The following RELCH variants were observed in gnomAD, a reference collection of about 807,000 sequenced individuals.
RELCH encodes RAB11 binding and LisH domain, coiled-coil and HEAT repeat containing.
RELCH carries 41 observed loss-of-function variants against 150.3 expected under a neutral mutation model. The ratio of observed to expected loss-of-function variants is 0.27; its 90% CI spans 0.21 to 0.35. RELCH has a LOEUF of 0.35. Ranked by LOEUF, RELCH falls within the 10% of genes least tolerant of loss-of-function variation. The pLI is 1.00. For missense variants in RELCH, 1,092 were observed against 1,467.8 expected (o/e 0.74, Z 4.18); for synonymous variants, 478 against 531.8 (o/e 0.90, Z 1.39).
chr18:62,209,048 A>C (rs76000066), intron 1 of RELCH, among the ~76,000 whole-genome samples: 9,151 of 152,138 alleles, frequency 0.06, 912 homozygotes, highest in African/African-American at 0.21. Context: ...ACCCAGGATA[A>C]TGTCTCTTTT....
chr18:62,213,012 CAA>C (rs1330093985), intron 2 of RELCH, among the ~76,000 whole-genome samples: 1 of 152,096 alleles, frequency 6.6e-6, no homozygotes, highest in Admixed American at 6.5e-5. Context: ...CTCTCCATGT[CAA>C]ATCATGGTTG....
At chr18:62,237,303 T>C (rs2041924901) in intron 10 of RELCH, among the ~76,000 whole-genome samples, 1 of 151,830 alleles carries the variant, frequency 6.6e-6, no homozygotes, top group African/African-American at 2.4e-5. Context: ...TTAGATTTAG[T>C]TGTTTTATAA....
intron 21 of RELCH, among the ~76,000 whole-genome samples, chr18:62,274,571 A>G (rs577227956): frequency 1.3e-5 from 2 of 152,350 alleles, no homozygotes; most frequent in South Asian, 4.1e-4. Flanking sequence ...TAGGCTTCAC[A>G]GCCAACATAC....
rs143475908 is a variant in RELCH at position 62,195,072 on chromosome 18, A to G, written c.526+7041A>G. Among the ~76,000 whole-genome samples the G allele has an allele frequency of 5.9e-5, 9 of 152,340 alleles. 1 individual carries two copies. The East Asian group carries it at 1.7e-3, about 29-fold the overall frequency. Reference sequence around the variant, plus strand: ...ATAATCCATATTTACAAAACATTCAAATATGAACAGGATATATAGCTTTAT... The same window carrying G: ...ATAATCCATATTTACAAAACATTCAGATATGAACAGGATATATAGCTTTAT... On this transcript the variant is annotated intron_variant, in intron 1 of 28. Coordinates refer to ENST00000644646, the MANE Select transcript of RELCH (RefSeq NM_001346231.2).
rs1395882884 is a variant in RELCH, at chr18:62,227,355, C to G, written c.925C>G (p.Arg309Gly). 1 of 1,612,060 alleles carries G rather than the reference C, an allele frequency of 6.2e-7. No homozygotes were observed. Among genetic ancestry groups the G allele is most frequent in the Admixed American group, 1.7e-5 (1 of 59,842 alleles). The change falls in exon 6 of 29, where the codon CGG becomes GGG. Residue 309 changes from arginine (R) to glycine (G), a missense_variant. Arg to Gly is a moderately radical substitution (Grantham distance 125, BLOSUM62 -2). Coordinates refer to ENST00000644646, the MANE Select transcript of RELCH (RefSeq NM_001346231.2). Reference protein sequence around the residue: ...PKPPDLLQLYRDFGNHQVTGK... With the variant: ...PKPPDLLQLYGDFGNHQVTGK... ...ACCTCCAGACTTATTGCAACTCTAC[C>G]GGGATTTTGGAAATCATCAAGTAAC... is the stretch of plus-strand genomic sequence containing the variant.
chr18:62,270,710 C>T (rs964027738), intron 20 of RELCH, among the ~76,000 whole-genome samples: 2 of 151,984 alleles, frequency 1.3e-5, no homozygotes, highest in Middle Eastern at 3.4e-3. Context: ...TTCGTTACAT[C>T]GGTATACATG....
At chr18:62,213,090 T>C (rs2040266510) in intron 2 of RELCH, among the ~76,000 whole-genome samples, 1 of 152,100 alleles carries the variant, frequency 6.6e-6, no homozygotes, top group Admixed American at 6.5e-5. Flanking sequence ...TATCTAAAAA[T>C]TTACAATTCA....
At chr18:62,285,866 G>A (rs1392185599) in intron 25 of RELCH, 1 of 152,198 alleles carries the variant, frequency 6.6e-6, no homozygotes, top group African/African-American at 2.4e-5. Flanking sequence ...CATCTGAGGG[G>A]TTAACTGTTA....
At chr18:62,257,133 A>G (rs2043027946) in intron 13 of RELCH, among the ~76,000 whole-genome samples, 1 of 152,020 alleles carries the variant, frequency 6.6e-6, no homozygotes, top group Admixed American at 6.6e-5. Flanking sequence ...GACCTAAACA[A>G]GTTTATGTTT....
At chr18:62,196,895 T>C (rs2039086244) in intron 1 of RELCH, among the ~76,000 whole-genome samples, 2 of 152,332 alleles carry the variant, frequency 1.3e-5, no homozygotes, top group Admixed American at 6.5e-5. Flanking sequence ...AAAGATAATG[T>C]TTACAGAATA....
At chr18:62,267,484 A>ATGTGTGTGTG (rs36203741) in intron 19 of RELCH, among the ~76,000 whole-genome samples, 31 of 135,806 alleles carry the variant, frequency 2.3e-4, no homozygotes, top group African/African-American at 8.3e-4. Context: ...CTAGGTATAT[A>ATGTGTGTGTG]TGTGTGTGTG....
intron 2 of RELCH, among the ~76,000 whole-genome samples, chr18:62,217,189 G>T (rs2040531669): frequency 2.0e-5 from 3 of 151,848 alleles, no homozygotes; most frequent in African/African-American, 7.3e-5. Flanking sequence ...GATTAACATT[G>T]CTAAAAGTGT....
At chr18:62,252,785 T>A (rs781430051) in intron 12 of RELCH, 31 bp downstream of exon 12, 1 of 1,461,652 alleles carries the variant, frequency 6.8e-7, no homozygotes, top group Admixed American at 1.7e-5. Context: ...TTCACCTAGC[T>A]ATTATAGCCT....
chr18:62,222,491 A>G lies in RELCH; in HGVS notation c.858+994A>G, dbSNP rs137893685. ...GAGAGGTCAAAAAGAACACAGAAAAAGAGGAAAAGAGGAGCAAAAAATAGA... is the reference window on the plus strand; with the variant it reads ...GAGAGGTCAAAAAGAACACAGAAAAGGAGGAAAAGAGGAGCAAAAAATAGA... On this transcript the variant is annotated intron_variant, in intron 5 of 28. Coordinates refer to ENST00000644646, the MANE Select transcript of RELCH (RefSeq NM_001346231.2). Among the ~76,000 whole-genome samples the G allele has an allele frequency of 8.2e-4, 124 of 152,052 alleles. 2 individuals are homozygous for G. The East Asian group carries it at 0.016, about 20-fold the overall frequency.
chr18:62,275,665 G>T, intron 22 of RELCH, 192 bp downstream of exon 22: 2 of 415,318 alleles, frequency 4.8e-6, no homozygotes, highest in South Asian at 4.9e-5. Flanking sequence ...ATTTAAAAAT[G>T]TTTTCTCAGC....
At chr18:62,277,665 C>A in intron 22 of RELCH, 2 of 977,182 alleles carry the variant, frequency 2.0e-6, no homozygotes, top group Non-Finnish European at 2.4e-6. Context: ...GGTATGGTCA[C>A]TGAAATTCAC....
chr18:62,207,698 A>G (rs1370318420), intron 1 of RELCH, among the ~76,000 whole-genome samples: 1 of 152,150 alleles, frequency 6.6e-6, no homozygotes, highest in East Asian at 1.9e-4. Flanking sequence ...CCATCAATTC[A>G]CCCTTTTAAA....
At position 62,258,590 on chromosome 18, in the gene RELCH, G is replaced by A; in HGVS notation, c.2116G>A (p.Ala706Thr). 1 of 1,605,290 alleles carries A rather than the reference G, an allele frequency of 6.2e-7. No homozygotes were observed. Among genetic ancestry groups the A allele is most frequent in the East Asian group, 2.2e-5 (1 of 44,684 alleles). ...VSATHQVFLP[A>T]YAAWTTELGN... ...TGCTACACATCAAGTATTTTTACCA[G>A]CTTACGCTGCGTGGACTACAGAACT... Residue 706 changes from alanine to threonine, a missense_variant, in exon 15 of 29, where the codon GCT becomes ACT. Ala to Thr is a moderately conservative substitution (Grantham distance 58). Transcript: ENST00000644646.
chr18:62,187,808 G>A lies in RELCH; in HGVS notation c.303G>A (p.Leu101=), dbSNP rs748113683. The A allele has an allele frequency of 1.9e-6, 3 of 1,597,328 alleles. No homozygotes were observed. Among genetic ancestry groups the A allele is most frequent in the Non-Finnish European group, 2.6e-6 (3 of 1,171,832 alleles). ...CAATTGATGCGATCGCTGCTCAGCT[G>A]TTGCGCGATCAATACTTGCTGACCG... ...RLSIDAIAAQ[L]LRDQYLLTAL... Residue 101 remains leucine, a synonymous_variant, in exon 1 of 29, where the codon CTG becomes CTA. Coordinates refer to ENST00000644646, the MANE Select transcript of RELCH (RefSeq NM_001346231.2).
Sources: allele counts gnomAD v4.1 joint callset (sites outside exome capture counted in the v4.1 genomes callset), GRCh38; gene constraint gnomAD v4.1.1; transcripts MANE v1.5; gene names NCBI Gene and HGNC (gene_info 2026-07-23, HGNC 2026-07-21).